The following VWA3A variants were observed in gnomAD, a reference collection of about 807,000 sequenced individuals.
The protein encoded by VWA3A is von Willebrand factor A domain-containing protein 3A.
Under a neutral mutation model 160.4 loss-of-function variants are expected in VWA3A, and 134 were observed. The ratio of observed to expected loss-of-function variants is 0.84; its 90% CI spans 0.73 to 0.96. VWA3A has a LOEUF of 0.96. Ranked by LOEUF, VWA3A falls within the 40% of genes least tolerant of loss-of-function variation. VWA3A has a pLI of 0.00. For synonymous variants in VWA3A, 476 were observed against 543.4 expected (o/e 0.88, Z 1.72); for missense variants, 1,310 against 1,447.9 (o/e 0.90, Z 1.55).
chr16:22,148,197 A>G lies in VWA3A; in HGVS notation c.2875A>G (p.Lys959Glu). 6.2e-7 allele frequency: 1 copy of G among 1,603,962 alleles called. No individual in the cohort carries two copies. The highest frequency in any genetic ancestry group is 8.5e-7 in the Non-Finnish European group (1 of 1,175,460). Residue 959 changes from lysine to glutamate, a missense_variant, in exon 28 of 34, where the codon AAA becomes GAA. Transcript: ENST00000389398. ...RRLFGTVLES[K>E]VCILLDTSGS... Reference sequence around the variant, plus strand: ...ACTGTTTGGCACCGTTTTGGAGAGCAAAGTATGCATATTGCTGGACACGTC... The same window carrying G: ...ACTGTTTGGCACCGTTTTGGAGAGCGAAGTATGCATATTGCTGGACACGTC...
At chr16:22,100,640 G>T in intron 5 of VWA3A, 147 bp downstream of exon 5, 1 of 755,224 alleles carries the variant, frequency 1.3e-6, no homozygotes, top group Non-Finnish European at 2.2e-6. Context: ...TTTGAAACCA[G>T]GCTGGCCAAC....
intron 20 of VWA3A, among the ~76,000 whole-genome samples, chr16:22,133,500 T>G (rs1195296237): frequency 6.6e-6 from 1 of 151,742 alleles, no homozygotes; most frequent in Non-Finnish European, 1.5e-5. Flanking sequence ...ACAAAAAAAT[T>G]AGCCGGGTGT....
In VWA3A at chr16:22,131,607, CG is replaced by C. The variant is rs760958709; in HGVS notation, c.1754del (p.Gly585AlafsTer15). On this transcript the variant is annotated frameshift_variant, in exon 19 of 34. Coordinates refer to ENST00000389398, the MANE Select transcript of VWA3A (RefSeq NM_173615.5). LOFTEE classifies it high-confidence loss of function. ...AWRWALNLRCRGSRNVLSALR... is the reference protein window; with the variant it reads ...AWRWALNLRCXGSRNVLSALR... ...CAGGTGGGCCCTGAACCTGCGGTGT[CG>C]GGGCAGCAGGAACGTTCTCAGCGCC... is the stretch of plus-strand genomic sequence containing the variant. 2.5e-6 allele frequency: 4 copies of C among 1,613,420 alleles called. No homozygotes were observed. The highest frequency in any genetic ancestry group is 3.4e-6 in the Non-Finnish European group (4 of 1,179,634).
At chr16:22,124,428 T>C (rs2045804127) in intron 16 of VWA3A, among the ~76,000 whole-genome samples, 1 of 150,970 alleles carries the variant, frequency 6.6e-6, no homozygotes, top group African/African-American at 2.4e-5. Context: ...GGATGCTGAG[T>C]TGGGAGAAAC....
chr16:22,152,317 C>T (rs2046363141), intron 30 of VWA3A, among the ~76,000 whole-genome samples, 194 bp from the exon 31 acceptor site: 2 of 152,164 alleles, frequency 1.3e-5, no homozygotes, highest in Admixed American at 1.3e-4. Context: ...CAAGCAGCAG[C>T]AGTTGCTATA....
intron 23 of VWA3A, 61 bp downstream of exon 23, chr16:22,140,305 G>A: frequency 2.0e-6 from 3 of 1,520,244 alleles, no homozygotes; most frequent in Non-Finnish European, 2.7e-6. Context: ...TGAGGCATGG[G>A]TTAATAATGA....
At chr16:22,142,465 T>A (rs1368414758) in intron 24 of VWA3A, among the ~76,000 whole-genome samples, 2 of 152,000 alleles carry the variant, frequency 1.3e-5, no homozygotes, top group East Asian at 3.9e-4. Flanking sequence ...CAGCCAGCCC[T>A]TGCGGCAAGT....
chr16:22,128,064 G>A (rs753581652), intron 17 of VWA3A, among the ~76,000 whole-genome samples: 17 of 152,140 alleles, frequency 1.1e-4, no homozygotes, highest in African/African-American at 9.7e-5. Context: ...GAGGTGTGAC[G>A]TATGCTAGAA....
At chr16:22,101,263 A>G (rs1481563172) in intron 5 of VWA3A, among the ~76,000 whole-genome samples, 1 of 152,222 alleles carries the variant, frequency 6.6e-6, no homozygotes, top group Non-Finnish European at 1.5e-5. Context: ...TCTCTAAAAA[A>G]ATATAAAATG....
Position 22,119,085 on chromosome 16 carries a change from G to T in VWA3A, c.1116+58G>T. 4 of 1,534,362 alleles carry T rather than the reference G, an allele frequency of 2.6e-6. No homozygotes were observed. In the South Asian group the frequency reaches 4.9e-5, roughly 19 times the overall value. Reference sequence around the variant, plus strand: ...CTCCCAGCAGCACTCAGCTGGCCTCGTTCCCCTTTCTCACCTGTTCATAGG... The same window carrying T: ...CTCCCAGCAGCACTCAGCTGGCCTCTTTCCCCTTTCTCACCTGTTCATAGG... On this transcript the variant is annotated intron_variant, in intron 12 of 33. Transcript: ENST00000389398.
intron 6 of VWA3A, among the ~76,000 whole-genome samples, chr16:22,107,052 A>G (rs899525059): frequency 8.5e-5 from 13 of 152,306 alleles, no homozygotes; most frequent in Middle Eastern, 3.4e-3. Flanking sequence ...CAGACAGAGA[A>G]GCGGAGCAGG....
At chr16:22,126,946 CAAAGATCAG>C (rs1172533488) in intron 17 of VWA3A, among the ~76,000 whole-genome samples, 3 of 114,824 alleles carry the variant, frequency 2.6e-5, no homozygotes, top group African/African-American at 1.3e-4. Context: ...TTAAATACAA[CAAAGATCAG>C]AGAGGTTTTG....
chr16:22,134,397 A>G lies in VWA3A; in HGVS notation c.2098A>G (p.Ile700Val), dbSNP rs1176529795. Residue 700 changes from isoleucine (I) to valine (V), a missense_variant, in exon 21 of 34, where the codon ATC becomes GTC. Physicochemically the swap from Ile to Val is conservative, Grantham distance 29. Coordinates refer to ENST00000389398, the MANE Select transcript of VWA3A (RefSeq NM_173615.5). ...TTATGAGAGCGATGACATCAACTCC[A>G]TCATGTCTGAGATGGAAAAGGCTCT... ...GIYESDDINS[I>V]MSEMEKALNY... is the part of the protein sequence containing the mutation. The G allele has an allele frequency of 1.0e-5, 16 of 1,599,628 alleles. No individual in the cohort carries two copies. The highest frequency in any genetic ancestry group is 6.7e-5 in the African/African-American group (5 of 74,858).
intron 21 of VWA3A, 94 bp downstream of exon 21, chr16:22,134,532 C>A: frequency 1.8e-6 from 2 of 1,083,538 alleles, no homozygotes; most frequent in Non-Finnish European, 1.3e-6. Context: ...CTTAAAATAA[C>A]AACCATTGAT....
chr16:22,142,101 C>T (rs2046161391), intron 24 of VWA3A, among the ~76,000 whole-genome samples: 3 of 152,124 alleles, frequency 2.0e-5, no homozygotes, highest in African/African-American at 7.2e-5. Flanking sequence ...CCCCATCCAC[C>T]CAACAGCTCC....
intron 6 of VWA3A, among the ~76,000 whole-genome samples, chr16:22,105,841 G>A (rs1392144430): frequency 1.3e-5 from 2 of 152,156 alleles, no homozygotes; most frequent in African/African-American, 4.8e-5. Flanking sequence ...TCAACTTCTT[G>A]CCTCCAGATT....
intron 17 of VWA3A, among the ~76,000 whole-genome samples, chr16:22,127,526 A>G (rs1423043278): frequency 6.6e-6 from 1 of 152,122 alleles, no homozygotes; most frequent in Non-Finnish European, 1.5e-5. Context: ...TTTTTATACA[A>G]CCTCATACCA....
At chr16:22,146,563 G>A (rs1316806065) in intron 27 of VWA3A, among the ~76,000 whole-genome samples, 1 of 152,028 alleles carries the variant, frequency 6.6e-6, no homozygotes, top group African/African-American at 2.4e-5. Flanking sequence ...AAGGTGGGTG[G>A]ATCACCAGTC....
chr16:22,102,846 T>A (rs2045426824), intron 5 of VWA3A, among the ~76,000 whole-genome samples: 1 of 151,190 alleles, frequency 6.6e-6, no homozygotes, highest in Non-Finnish European at 1.5e-5. Flanking sequence ...CCGGGCAGAG[T>A]GAGCACAGAG....
Sources: allele counts gnomAD v4.1 joint callset (sites outside exome capture counted in the v4.1 genomes callset), GRCh38; gene constraint gnomAD v4.1.1; transcripts MANE v1.5; gene names NCBI Gene and HGNC (gene_info 2026-07-23, HGNC 2026-07-21).